RAB2A: variants seen among roughly 807,000 people sequenced by gnomAD.
RAB2A encodes RAB2A, member RAS oncogene family.
In RAB2A, 7 loss-of-function variants were observed where a neutral mutation model predicts 32.5. That is an observed-to-expected ratio of 0.22 (90% CI 0.12 to 0.40). RAB2A has a LOEUF of 0.40. Among genes scored for constraint, RAB2A ranks in the 10% least tolerant of loss-of-function variants. The pLI is 1.00. For synonymous variants in RAB2A, 79 were observed against 85.2 expected (o/e 0.93, Z 0.40); for missense variants, 108 against 260.7 (o/e 0.41, Z 4.03).
At chr8:60,548,844 G>A (rs1280345477) in intron 1 of RAB2A, among the ~76,000 whole-genome samples, 1 of 151,618 alleles carries the variant, frequency 6.6e-6, no homozygotes, top group Non-Finnish European at 1.5e-5. Context: ...CCTCCCGGAC[G>A]AGGTGGCTGC....
intron 5 of RAB2A, among the ~76,000 whole-genome samples, chr8:60,585,781 A>G (rs1803836078): frequency 6.6e-6 from 1 of 152,214 alleles, no homozygotes; most frequent in Non-Finnish European, 1.5e-5. Context: ...AGGGAACTCA[A>G]ATTACTATAC....
chr8:60,523,348 G>GAAGGA (rs1807330072), intron 1 of RAB2A, among the ~76,000 whole-genome samples: 3 of 151,366 alleles, frequency 2.0e-5, no homozygotes, highest in Non-Finnish European at 4.4e-5. Context: ...TAGTGAAGAC[G>GAAGGA]GGCTTTCACT....
chr8:60,531,472 T>C (rs781220664), intron 1 of RAB2A, among the ~76,000 whole-genome samples: 1 of 152,238 alleles, frequency 6.6e-6, no homozygotes, highest in Admixed American at 6.5e-5. Flanking sequence ...GTAAATAATA[T>C]GTGAAGGTAA....
intron 5 of RAB2A, among the ~76,000 whole-genome samples, chr8:60,586,437 GATAAA>G (rs1264675160): frequency 4.0e-5 from 6 of 151,184 alleles, no homozygotes; most frequent in African/African-American, 1.2e-4. Context: ...TTCTTCAGAA[GATAAA>G]ATAAAATAGA....
At chr8:60,530,610 A>C (rs1263378389) in intron 1 of RAB2A, among the ~76,000 whole-genome samples, 1 of 152,120 alleles carries the variant, frequency 6.6e-6, no homozygotes, top group African/African-American at 2.4e-5. Context: ...TTTTTTAAAA[A>C]AGGCCTATTT....
chr8:60,571,986 C>T, intron 2 of RAB2A, 60 bp from the exon 3 acceptor site: 1 of 1,244,902 alleles, frequency 8.0e-7, no homozygotes, highest in Non-Finnish European at 1.1e-6. Flanking sequence ...TGTTTTTAAT[C>T]CTTGAAAGTG....
intron 3 of RAB2A, among the ~76,000 whole-genome samples, chr8:60,575,722 A>G (rs1212667976): frequency 1.4e-5 from 2 of 144,478 alleles, no homozygotes; most frequent in African/African-American, 5.2e-5. Context: ...CAATGGTGCA[A>G]TCTCAGCTCA....
At chr8:60,563,765 C>T (rs778819083) in intron 2 of RAB2A, among the ~76,000 whole-genome samples, 1 of 152,178 alleles carries the variant, frequency 6.6e-6, no homozygotes, top group East Asian at 1.9e-4. Context: ...TTTTTTACCT[C>T]ATCAGAATTA....
At chr8:60,546,163 G>GA (rs1162615105) in intron 1 of RAB2A, among the ~76,000 whole-genome samples, 2 of 152,234 alleles carry the variant, frequency 1.3e-5, no homozygotes, top group Non-Finnish European at 2.9e-5. Context: ...AGAAGAGGTG[G>GA]AGGGTGTGCA....
intron 1 of RAB2A, among the ~76,000 whole-genome samples, chr8:60,525,929 A>G (rs1010030781): frequency 7.3e-6 from 1 of 137,046 alleles, no homozygotes; most frequent in African/African-American, 2.6e-5. Flanking sequence ...GAGAATAAAG[A>G]TATATATATA....
chr8:60,517,187 T>G lies in RAB2A; in HGVS notation c.-21T>G, dbSNP rs1430825122. On this transcript the variant is annotated 5_prime_UTR_variant, in exon 1 of 8. Transcript: ENST00000262646. ...CAGCGGGAGGAGGAGCCGTGTGCCC[T>G]GGCACTGAGCGGCCGCGGCCATGGC... The G allele has an allele frequency of 6.7e-7, 1 of 1,487,140 alleles. No homozygotes were observed. The highest frequency in any genetic ancestry group is 9.0e-7 in the Non-Finnish European group (1 of 1,117,060). 92.1% of individuals were successfully genotyped at this position (1,487,140 alleles called of 1,614,324 possible). A position where few individuals can be genotyped will look rare whatever the true frequency, so the allele number is the denominator to read the frequency against.
At chr8:60,584,598 A>C in intron 4 of RAB2A, 125 bp from the exon 5 acceptor site, 1 of 759,728 alleles carries the variant, frequency 1.3e-6, no homozygotes. Flanking sequence ...ATGGTGCTTA[A>C]AACTACTTCT....
intron 2 of RAB2A, among the ~76,000 whole-genome samples, chr8:60,562,809 G>A (rs1808044085): frequency 6.6e-6 from 1 of 152,084 alleles, no homozygotes; most frequent in Non-Finnish European, 1.5e-5. Flanking sequence ...CTCTGGAAGA[G>A]GAAGAGTAAA....
At position 60,517,068 on chromosome 8, in the gene RAB2A, C is replaced by CAGCCCCTCAT; in HGVS notation, c.-140_-139insAGCCCCTCAT. ...CGTCCGGCTTCCTCACAGCCCCTCACTCCCGGCGGCTGACAGCAGCAGCGG... is the reference window on the plus strand; with the variant it reads ...CGTCCGGCTTCCTCACAGCCCCTCACAGCCCCTCATTCCCGGCGGCTGACAGCAGCAGCGG... On this transcript the variant is annotated 5_prime_UTR_variant, in exon 1 of 8. Transcript: ENST00000262646. 1.2e-6 allele frequency: 1 copy of CAGCCCCTCAT among 835,342 alleles called. No homozygotes were observed. Among genetic ancestry groups the CAGCCCCTCAT allele is most frequent in the Non-Finnish European group, 1.7e-6 (1 of 575,718 alleles). 51.7% of individuals were successfully genotyped at this position (835,342 alleles called of 1,614,324 possible). A position where few individuals can be genotyped will look rare whatever the true frequency, so the allele number is the denominator to read the frequency against.
intron 1 of RAB2A, among the ~76,000 whole-genome samples, chr8:60,548,526 A>G (rs1213682104): frequency 1.2e-5 from 1 of 82,074 alleles, no homozygotes; most frequent in Non-Finnish European, 2.2e-5. Context: ...TGACCCCCCC[A>G]CCTCCCTCCC....
At chr8:60,605,714 C>T (rs603035) in intron 6 of RAB2A, among the ~76,000 whole-genome samples, 58,648 of 151,358 alleles carry the variant, frequency 0.39, 11,486 homozygotes, top group Middle Eastern at 0.55. Flanking sequence ...TAGCCCCTTT[C>T]TTTTGGCCAA....
intron 6 of RAB2A, 94 bp downstream of exon 6, chr8:60,592,063 A>G: frequency 2.8e-6 from 2 of 712,644 alleles, no homozygotes; most frequent in African/African-American, 1.8e-5. Flanking sequence ...TTTTAGTCGG[A>G]TGGTCTTTGA....
chr8:60,520,407 G>C (rs1463191274), intron 1 of RAB2A, among the ~76,000 whole-genome samples: 3 of 152,136 alleles, frequency 2.0e-5, no homozygotes, highest in Non-Finnish European at 4.4e-5. Flanking sequence ...ATCAAGCATG[G>C]AGAGAAAAAA....
rs532477699 is a variant in RAB2A at position 60,529,610 on chromosome 8, C to A, written c.46+12357C>A. ...ATTTTGCATATTTGGTTCATACTTGCTTTGTTTAGGAAGTAAACATTACAC... is the reference window on the plus strand; with the variant it reads ...ATTTTGCATATTTGGTTCATACTTGATTTGTTTAGGAAGTAAACATTACAC... On this transcript the variant is annotated intron_variant, in intron 1 of 7. Transcript: ENST00000262646. Among the ~76,000 whole-genome samples, 6 of 152,184 alleles carry A rather than the reference C, an allele frequency of 3.9e-5. No individual in the cohort carries two copies. In the South Asian group the frequency reaches 1.2e-3, roughly 32 times the overall value.
Sources: gnomAD v4.1 joint callset for allele counts (sites outside exome capture counted in the v4.1 genomes callset) on GRCh38, gnomAD v4.1.1 for gene constraint, MANE v1.5 for transcripts, NCBI Gene and HGNC (gene_info 2026-07-23, HGNC 2026-07-21) for gene names.